Variants in GNB4 observed in about 807,000 individuals in gnomAD.
GNB4 encodes the protein G protein subunit beta 4.
A neutral mutation model predicts 45.2 loss-of-function variants in GNB4; 28 were observed. The observed-to-expected ratio is 0.62, with a 90% CI of 0.46 to 0.85. The LOEUF (loss-of-function observed/expected upper bound fraction) is 0.85, where lower values mean the gene tolerates loss of function less well. GNB4 is among the 40% of genes least tolerant of loss of function. GNB4 has a pLI of 0.00. For synonymous variants in GNB4, 132 were observed against 143.7 expected (o/e 0.92, Z 0.58); for missense variants, 321 against 425.4 (o/e 0.75, Z 2.16).
chr3:179,471,385 G>T, the GNB4 span, among the ~76,000 whole-genome samples: 5 of 152,156 alleles, frequency 3.3e-5, no homozygotes, highest in Non-Finnish European at 7.3e-5. Context: ...CCCATTCATG[G>T]TAAGTGCCTT....
intron 9 of GNB4, among the ~76,000 whole-genome samples, chr3:179,404,306 G>GC (rs1714398110): frequency 6.6e-6 from 1 of 152,160 alleles, no homozygotes; most frequent in Non-Finnish European, 1.5e-5. Context: ...TACGGCAGGA[G>GC]CAGCTTAAAA....
the GNB4 span, among the ~76,000 whole-genome samples, chr3:179,505,973 C>A: frequency 6.6e-6 from 1 of 152,194 alleles, no homozygotes; most frequent in Non-Finnish European, 1.5e-5. Flanking sequence ...GCACAGCTAA[C>A]CTAAGCTGAT....
At position 179,446,392 on chromosome 3, in the gene GNB4, A is replaced by C. The variant is rs11919088; in HGVS notation, c.-43+4954T>G. Among the ~76,000 whole-genome samples, 754 of 152,330 alleles carry C rather than the reference A, an allele frequency of 4.9e-3. 4 individuals carry two copies. Among genetic ancestry groups the C allele is most frequent in the African/African-American group, 0.017 (695 of 41,552 alleles). ...TGAACTAAAGATGGAAAAATATTAA[A>C]ATACTTCAAGGGACAGAAGTATATT... On this transcript the variant is annotated intron_variant, in intron 1 of 9. Transcript: ENST00000232564.
chr3:179,480,690 A>T, the GNB4 span, among the ~76,000 whole-genome samples: 1 of 152,238 alleles, frequency 6.6e-6, no homozygotes, highest in East Asian at 1.9e-4. Flanking sequence ...GTGTGTAAAG[A>T]AGCAAAATTC....
intron 1 of GNB4, among the ~76,000 whole-genome samples, chr3:179,427,546 A>AG (rs2108604579): frequency 1.3e-5 from 2 of 149,956 alleles, no homozygotes; most frequent in South Asian, 4.2e-4. Context: ...AGGAGGCTGC[A>AG]GTGAGCCGAG....
chr3:179,492,826 A>G, the GNB4 span, among the ~76,000 whole-genome samples: 1 of 152,176 alleles, frequency 6.6e-6, no homozygotes, highest in Non-Finnish European at 1.5e-5. Flanking sequence ...CCCTCAAGGT[A>G]AAAAGAAACC....
the GNB4 span, among the ~76,000 whole-genome samples, chr3:179,467,099 G>A: frequency 6.6e-6 from 1 of 152,122 alleles, no homozygotes; most frequent in Admixed American, 6.6e-5. Flanking sequence ...CTGCAGCCTT[G>A]AACTCCTGGG....
intron 9 of GNB4, among the ~76,000 whole-genome samples, chr3:179,402,345 T>C (rs1714328389): frequency 6.6e-6 from 1 of 152,184 alleles, no homozygotes; most frequent in Non-Finnish European, 1.5e-5. Flanking sequence ...AACAAGCACA[T>C]TTTTATTTTG....
intron 1 of GNB4, among the ~76,000 whole-genome samples, chr3:179,430,714 C>A (rs1324342318): frequency 6.6e-6 from 1 of 151,594 alleles, no homozygotes; most frequent in South Asian, 2.1e-4. Context: ...ACTTTGGCCT[C>A]CCAAAGTGCT....
chr3:179,425,109 T>C (rs1715104279), intron 2 of GNB4, among the ~76,000 whole-genome samples: 1 of 152,214 alleles, frequency 6.6e-6, no homozygotes, highest in Non-Finnish European at 1.5e-5. Flanking sequence ...TCCTCCACCC[T>C]GCTTACCGCC....
In GNB4 at chr3:179,413,426, T is replaced by C. The variant is rs1306508196; in HGVS notation, c.685A>G (p.Ile229Val). Residue 229 changes from isoleucine (I) to valine (V), a missense_variant, in exon 8 of 10, where the codon ATC (isoleucine) becomes GTC (valine). By Grantham distance (29) the Ile-to-Val change is conservative. Transcript: ENST00000232564. ...RQSFTGHVSD[I>V]NAVSFFPNGY... is the part of the protein sequence containing the mutation. The stretch of plus-strand genomic sequence containing the variant: ...TATTCACTTACACTGACAGCATTGA[T>C]ATCTGAGACATGTCCCGTGAAAGAC... 1 of 1,613,498 alleles carries C rather than the reference T, an allele frequency of 6.2e-7. No individual in the cohort carries two copies. The highest frequency in any genetic ancestry group is 2.2e-5 in the East Asian group (1 of 44,872).
At chr3:179,527,790 A>ATGTGTGTGTGTG in the GNB4 span, among the ~76,000 whole-genome samples, 10 of 142,446 alleles carry the variant, frequency 7.0e-5, no homozygotes, top group East Asian at 2.0e-3. Context: ...GTGTGTATGT[A>ATGTGTGTGTGTG]TGTGTGTGTG....
intron 8 of GNB4, among the ~76,000 whole-genome samples, chr3:179,411,423 C>T (rs1267898696): frequency 1.4e-5 from 2 of 148,004 alleles, no homozygotes; most frequent in African/African-American, 5.0e-5. Flanking sequence ...AAGGAAGCCT[C>T]TATATTTACT....
chr3:179,508,275 C>T, the GNB4 span, among the ~76,000 whole-genome samples: 1 of 152,188 alleles, frequency 6.6e-6, no homozygotes, highest in African/African-American at 2.4e-5. Context: ...GTGTGAGCCA[C>T]CATGGCTGGC....
the GNB4 span, among the ~76,000 whole-genome samples, chr3:179,468,232 A>G: frequency 6.6e-6 from 1 of 151,572 alleles, no homozygotes; most frequent in Non-Finnish European, 1.5e-5. Context: ...GCAGTGGCTC[A>G]TGCCTGTAAT....
At chr3:179,438,445 A>AT (rs1419073614) in intron 1 of GNB4, among the ~76,000 whole-genome samples, 2 of 152,172 alleles carry the variant, frequency 1.3e-5, no homozygotes, top group Non-Finnish European at 2.9e-5. Flanking sequence ...AATAATACAC[A>AT]TTTTTTAATG....
chr3:179,466,549 G>C, the GNB4 span, among the ~76,000 whole-genome samples: 1 of 152,172 alleles, frequency 6.6e-6, no homozygotes, highest in Admixed American at 6.5e-5. Flanking sequence ...AAGAAATTTA[G>C]AGAGTTTGCT....
chr3:179,513,021 C>A, the GNB4 span, among the ~76,000 whole-genome samples: 1 of 151,344 alleles, frequency 6.6e-6, no homozygotes, highest in African/African-American at 2.4e-5. Flanking sequence ...TCTCGTGGAA[C>A]TCGGGGATGG....
the GNB4 span, among the ~76,000 whole-genome samples, chr3:179,475,394 C>T: frequency 5.5e-4 from 83 of 152,140 alleles, no homozygotes; most frequent in East Asian, 3.3e-3. Flanking sequence ...GCTGGGATTA[C>T]AGGCGTGAGC....
Sources: allele counts gnomAD v4.1 joint callset (sites outside exome capture counted in the v4.1 genomes callset), GRCh38; gene constraint gnomAD v4.1.1; transcripts MANE v1.5; gene names NCBI Gene and HGNC (gene_info 2026-07-23, HGNC 2026-07-21).